Variants in OCIAD1 observed in about 807,000 individuals in gnomAD.
OCIAD1 encodes OCIA domain-containing protein 1.
OCIAD1 carries 29 observed loss-of-function variants against 38.9 expected under a neutral mutation model. The ratio of observed to expected loss-of-function variants is 0.74; its 90% CI spans 0.55 to 1.02. The LOEUF (loss-of-function observed/expected upper bound fraction) is 1.02. OCIAD1 is among the 50% of genes least tolerant of loss of function. The probability of loss-of-function intolerance (pLI) is 0.00; values close to 1 mark genes in which losing one functional copy is unlikely to be tolerated. For synonymous variants in OCIAD1, 110 were observed against 92.0 expected (o/e 1.20, Z -1.12); for missense variants, 288 against 289.6 (o/e 0.99, Z 0.04).
chr4:48,815,418 C>G (rs1393693493), intron 1 of OCIAD1, among the ~76,000 whole-genome samples: 1 of 152,154 alleles, frequency 6.6e-6, no homozygotes, highest in African/African-American at 2.4e-5. Flanking sequence ...CAAGAAATAG[C>G]TGGGAGGTAA....
chr4:48,815,323 G>T (rs1777134139), intron 1 of OCIAD1, among the ~76,000 whole-genome samples: 2 of 152,122 alleles, frequency 1.3e-5, no homozygotes, highest in Non-Finnish European at 2.9e-5. Flanking sequence ...AAAAAGAAAA[G>T]AATAAATTAT....
At chr4:48,826,256 A>G (rs1044604346), upstream of OCIAD1, among the ~76,000 whole-genome samples, 1 of 151,710 alleles carries the variant, frequency 6.6e-6, no homozygotes, top group African/African-American at 2.4e-5. Flanking sequence ...GCACCCATTA[A>G]CTCATAATTT....
At chr4:48,823,414 G>A (rs912432780) in intron 1 of OCIAD1, among the ~76,000 whole-genome samples, 1 of 151,980 alleles carries the variant, frequency 6.6e-6, no homozygotes, top group African/African-American at 2.4e-5. Context: ...GGCAAAGGGA[G>A]GGAGAGCGTT....
chr4:48,819,895 A>G (rs1460527836), intron 1 of OCIAD1, among the ~76,000 whole-genome samples: 2 of 152,144 alleles, frequency 1.3e-5, no homozygotes, highest in Non-Finnish European at 2.9e-5. Flanking sequence ...ACTCAGATTC[A>G]TAAAACAAGT....
Position 48,806,070 on chromosome 4 carries a change from C to T in OCIAD1, c.-103+740C>T, listed in dbSNP as rs146806735. 4.7e-3 allele frequency among the ~76,000 whole-genome samples: 719 copies of T among 152,264 alleles called. 4 individuals are homozygous for T. Among genetic ancestry groups the T allele is most frequent in the African/African-American group, 0.016 (673 of 41,556 alleles). ...TCACCTGAGGTCAGGAGTTTAAGAC[C>T]AGCCTGGCCAACATGGTGAAACCCC... On this transcript the variant is annotated intron_variant, in intron 1 of 6. Transcript: ENST00000504654.
At chr4:48,857,134 A>G in intron 7 of OCIAD1, 79 bp from the exon 8 acceptor site, 1 of 774,974 alleles carries the variant, frequency 1.3e-6, no homozygotes, top group Non-Finnish European at 1.9e-6. Context: ...TCCTTTTGTA[A>G]GGAGCATTTG....
At chr4:48,838,358 G>A (rs960756465) in intron 3 of OCIAD1, among the ~76,000 whole-genome samples, 1 of 151,840 alleles carries the variant, frequency 6.6e-6, no homozygotes, top group African/African-American at 2.4e-5. Flanking sequence ...ATAAGGACAG[G>A]CTGAAAGACA....
At chr4:48,815,268 G>A (rs185674060) in intron 1 of OCIAD1, among the ~76,000 whole-genome samples, 5 of 152,124 alleles carry the variant, frequency 3.3e-5, no homozygotes, top group East Asian at 3.9e-4. Context: ...ATCTGAGGTC[G>A]CGCCACACTC....
Position 48,857,279 on chromosome 4 carries a change from A to G in OCIAD1, c.614A>G (p.Lys205Arg). 6.3e-7 allele frequency: 1 copy of G among 1,596,326 alleles called. No homozygotes were observed. Among genetic ancestry groups the G allele is most frequent in the Non-Finnish European group, 8.5e-7 (1 of 1,170,340 alleles). Residue 205 changes from lysine (K) to arginine (R), a missense_variant, in exon 8 of 9, where the codon AAG (lysine) becomes AGG (arginine). Physicochemically the swap from Lys to Arg is conservative, Grantham distance 26. Transcript: ENST00000264312. ...ATTACATATGAGGAATTAAGGAATA[A>G]GAACAGAGAGTCATATGAAGTATCT... Reference protein sequence around the residue: ...KNITYEELRNKNRESYEVSLT... With the variant: ...KNITYEELRNRNRESYEVSLT...
intron 1 of OCIAD1, among the ~76,000 whole-genome samples, chr4:48,807,917 G>C (rs1777045170): frequency 6.6e-6 from 1 of 152,158 alleles, no homozygotes; most frequent in South Asian, 2.1e-4. Flanking sequence ...ATGTTTTCCT[G>C]AGCCCCAGAT....
chr4:48,830,262 T>A (rs1237678651), upstream of OCIAD1, among the ~76,000 whole-genome samples: 2 of 152,182 alleles, frequency 1.3e-5, no homozygotes, highest in Non-Finnish European at 2.9e-5. Flanking sequence ...ACTGTCTCCC[T>A]TAAGTATGTC....
intron 5 of OCIAD1, 96 bp downstream of exon 5, chr4:48,848,542 A>G (rs1264264342): frequency 1.9e-6 from 1 of 538,474 alleles, no homozygotes; most frequent in East Asian, 3.2e-5. Flanking sequence ...CATATTAGTT[A>G]TGTGGTTACA....
At chr4:48,845,517 G>C (rs767600653) in intron 4 of OCIAD1, among the ~76,000 whole-genome samples, 1 of 152,078 alleles carries the variant, frequency 6.6e-6, no homozygotes, top group South Asian at 2.1e-4. Flanking sequence ...TTGAGTGTCT[G>C]ATATGTACTA....
At chr4:48,847,667 C>G (rs771238565) in intron 4 of OCIAD1, among the ~76,000 whole-genome samples, 1 of 152,142 alleles carries the variant, frequency 6.6e-6, no homozygotes, top group African/African-American at 2.4e-5. Flanking sequence ...GCAGTGTTGT[C>G]TTTGTCATAA....
chr4:48,848,633 G>A, intron 5 of OCIAD1, 187 bp downstream of exon 5: 1 of 391,802 alleles, frequency 2.6e-6, no homozygotes, highest in South Asian at 7.0e-5. Flanking sequence ...AAAATCATCA[G>A]TTGAAATAGG....
intron 1 of OCIAD1, chr4:48,831,574 G>GT: frequency 7.8e-7 from 1 of 1,289,086 alleles, no homozygotes; most frequent in Non-Finnish European, 1.0e-6. Flanking sequence ...ATCCAGCGTT[G>GT]TTTTGTGTAA....
chr4:48,850,090 A>G lies in OCIAD1; in HGVS notation c.377+8A>G, dbSNP rs1779301316. 8 of 1,609,266 alleles carry G rather than the reference A, an allele frequency of 5.0e-6. No homozygotes were observed. Among genetic ancestry groups the G allele is most frequent in the Admixed American group, 3.4e-5 (2 of 58,726 alleles). On this transcript the variant is annotated splice_region_variant and intron_variant, in intron 6 of 8. Transcript: ENST00000264312. Reference sequence around the variant, plus strand: ...ACGATCTTCACCACCTGGGTAGGCCAGATTCTGATCTTTACTTAAGATTTT... The same window carrying G: ...ACGATCTTCACCACCTGGGTAGGCCGGATTCTGATCTTTACTTAAGATTTT...
At chr4:48,846,524 G>A (rs1037081296) in intron 4 of OCIAD1, among the ~76,000 whole-genome samples, 7 of 152,182 alleles carry the variant, frequency 4.6e-5, no homozygotes, top group East Asian at 1.9e-4. Context: ...TGAGGCAGGC[G>A]GATCATGAGG....
intron 1 of OCIAD1, among the ~76,000 whole-genome samples, chr4:48,815,401 G>A (rs1777134696): frequency 6.6e-6 from 1 of 152,198 alleles, no homozygotes; most frequent in African/African-American, 2.4e-5. Flanking sequence ...GATTGACAAT[G>A]TATTTGCAAG....
Sources: gnomAD v4.1 joint callset for allele counts (sites outside exome capture counted in the v4.1 genomes callset) on GRCh38, gnomAD v4.1.1 for gene constraint, MANE v1.5 for transcripts, NCBI Gene and HGNC (gene_info 2026-07-23, HGNC 2026-07-21) for gene names.